Variants in USP34 observed in about 807,000 individuals in gnomAD.
USP34 encodes ubiquitin carboxyl-terminal hydrolase 34.
USP34 carries 70 observed loss-of-function variants against 460.3 expected under a neutral mutation model. That is an observed-to-expected ratio of 0.15 (90% confidence interval 0.13 to 0.19). The LOEUF (loss-of-function observed/expected upper bound fraction) is 0.19. Among genes scored for constraint, USP34 ranks in the 10% least tolerant of loss-of-function variants. The pLI, the probability that USP34 is intolerant of heterozygous loss-of-function variation, is 1.00. For missense variants in USP34, 3,985 were observed against 4,236.2 expected (o/e 0.94, Z 1.65); for synonymous variants, 1,647 against 1,405.3 (o/e 1.17, Z -3.85).
At position 61,406,146 on chromosome 2, in the gene USP34, T is replaced by A. The variant is rs752423881; in HGVS notation, c.132-18A>T. ...GACATTGCCTATAAGAGAAAAAAAA[T>A]TGAATAAATTAGTAATAAAGCAGCA... On this transcript the variant is annotated intron_variant, in intron 2 of 79. Coordinates refer to ENST00000398571, the MANE Select transcript of USP34 (RefSeq NM_014709.4). 1.3e-6 allele frequency: 2 copies of A among 1,497,858 alleles called. No individual in the cohort carries two copies. The highest frequency in any genetic ancestry group is 1.4e-5 in the African/African-American group (1 of 70,828). The allele number at this position is 1,497,858 out of a possible 1,614,324, so 92.8% of individuals were successfully genotyped here. A position where few individuals can be genotyped will look rare whatever the true frequency, so the allele number is the denominator to read the frequency against.
intron 76 of USP34, chr2:61,191,370 TA>T (rs1485871719): frequency 6.6e-6 from 1 of 151,842 alleles, no homozygotes; most frequent in African/African-American, 2.4e-5. Context: ...ATATATTTTT[TA>T]AATAGGACAA....
At chr2:61,460,562 G>A (rs569045810) in intron 1 of USP34, among the ~76,000 whole-genome samples, 88 of 152,260 alleles carry the variant, frequency 5.8e-4, no homozygotes, top group Middle Eastern at 3.4e-3. Flanking sequence ...ACAGTATATA[G>A]GGTACAGCAC....
chr2:61,421,774 A>AACACACAC (rs34490089), intron 1 of USP34, among the ~76,000 whole-genome samples: 13 of 149,288 alleles, frequency 8.7e-5, no homozygotes, highest in African/African-American at 2.7e-4. Flanking sequence ...TTACATTTAA[A>AACACACAC]ACACACACAC....
chr2:61,351,774 G>A (rs1201225861), intron 10 of USP34, among the ~76,000 whole-genome samples: 1 of 152,028 alleles, frequency 6.6e-6, no homozygotes, highest in African/African-American at 2.4e-5. Flanking sequence ...CTATCTTGGT[G>A]AGGCTTCTTA....
In USP34 at chr2:61,321,683, G is replaced by C. The variant is rs140401468; in HGVS notation, c.3014-2356C>G. ...TTTATGTTTTTAAAATGTAGTTTAAGATAACCCATATGTAAATCACCTAAA... is the reference window on the plus strand; with the variant it reads ...TTTATGTTTTTAAAATGTAGTTTAACATAACCCATATGTAAATCACCTAAA... On this transcript the variant is annotated intron_variant, in intron 21 of 79. Coordinates refer to ENST00000398571, the MANE Select transcript of USP34 (RefSeq NM_014709.4). Among the ~76,000 whole-genome samples, 660 of 152,198 alleles carry C rather than the reference G, an allele frequency of 4.3e-3. 7 individuals carry two copies. The highest frequency in any genetic ancestry group is 6.7e-3 in the Non-Finnish European group (456 of 68,000).
intron 57 of USP34, among the ~76,000 whole-genome samples, chr2:61,235,453 G>A (rs1402132920): frequency 1.3e-5 from 2 of 151,558 alleles, no homozygotes; most frequent in South Asian, 2.1e-4. Context: ...CGCCTCCCGA[G>A]GTGCTGGGAC....
At chr2:61,335,272 C>T (rs1294925246) in intron 18 of USP34, among the ~76,000 whole-genome samples, 3 of 152,146 alleles carry the variant, frequency 2.0e-5, no homozygotes, top group Admixed American at 2.0e-4. Flanking sequence ...AATGACTTAT[C>T]AACTTTTTTG....
chr2:61,214,757 C>A, intron 67 of USP34, 63 bp from the exon 68 acceptor site: 1 of 1,534,006 alleles, frequency 6.5e-7, no homozygotes, highest in South Asian at 1.2e-5. Context: ...GAACAGCAGT[C>A]ATTAATCACA....
chr2:61,420,126 TCAAA>T (rs1377736163), intron 2 of USP34, among the ~76,000 whole-genome samples: 1 of 152,236 alleles, frequency 6.6e-6, no homozygotes, highest in Non-Finnish European at 1.5e-5. Flanking sequence ...ACACAATGCT[TCAAA>T]CATTCTTACC....
chr2:61,375,905 A>T lies in USP34; in HGVS notation c.1076+2458T>A, dbSNP rs537873615. Among the ~76,000 whole-genome samples, 48 of 152,276 alleles carry T rather than the reference A, an allele frequency of 3.2e-4. 1 individual carries two copies. The South Asian group carries it at 6.8e-3, about 22-fold the overall frequency. The stretch of plus-strand genomic sequence containing the variant: ...GAATAAAGTACAGAGACAAACTACA[A>T]TCTCAATGAACCTCAAACAAACGAA... On this transcript the variant is annotated intron_variant, in intron 8 of 79. Coordinates refer to ENST00000398571, the MANE Select transcript of USP34 (RefSeq NM_014709.4).
At chr2:61,358,329 C>G (rs574530068) in intron 10 of USP34, among the ~76,000 whole-genome samples, 1 of 151,744 alleles carries the variant, frequency 6.6e-6, no homozygotes, top group African/African-American at 2.4e-5. Flanking sequence ...ACAAAGAACT[C>G]AAAGCTGCAA....
chr2:61,295,684 C>T (rs943595493), intron 30 of USP34, among the ~76,000 whole-genome samples: 1 of 152,156 alleles, frequency 6.6e-6, no homozygotes, highest in African/African-American at 2.4e-5. Flanking sequence ...AACTCAGGAA[C>T]ACTGCTGTTT....
intron 1 of USP34, among the ~76,000 whole-genome samples, chr2:61,431,494 T>C (rs1333834461): frequency 6.6e-6 from 1 of 152,216 alleles, no homozygotes; most frequent in African/African-American, 2.4e-5. Context: ...CCCAAAGCAC[T>C]GGGATTACAG....
chr2:61,243,503 G>A (rs1688331985), intron 51 of USP34, among the ~76,000 whole-genome samples: 1 of 151,158 alleles, frequency 6.6e-6, no homozygotes, highest in African/African-American at 2.4e-5. Context: ...AAAAAAAGTG[G>A]ACCTGCAATT....
chr2:61,370,676 T>G (rs755158914), intron 8 of USP34, 97 bp from the exon 9 acceptor site: 5 of 1,036,354 alleles, frequency 4.8e-6, no homozygotes, highest in African/African-American at 1.6e-5. Flanking sequence ...TTTGTTCCTA[T>G]AGGAATTATA....
chr2:61,242,705 C>G (rs576351058), intron 51 of USP34, among the ~76,000 whole-genome samples: 160 of 151,924 alleles, frequency 1.1e-3, no homozygotes, highest in African/African-American at 2.6e-3. Flanking sequence ...AGTAAGGAGA[C>G]GAGGATTCTA....
rs1178556519 is a variant in USP34, at chr2:61,405,791, G to T, written c.469C>A (p.Leu157Ile). 6 of 1,609,362 alleles carry T rather than the reference G, an allele frequency of 3.7e-6. No individual in the cohort carries two copies. In the African/African-American group the frequency reaches 8.1e-5, roughly 22 times the overall value. ...AAAATTTTTGCCACACATAGTAAGA[G>T]TTTTTCCTTCTCATCTGTACTCCAT... ...SLWSTDEKEK[L>I]LLCVAKIFQI... is the part of the protein sequence containing the mutation. The change falls in exon 3 of 80, where the codon CTC becomes ATC. Residue 157 changes from leucine to isoleucine, a missense_variant. Leu to Ile is a conservative substitution (Grantham distance 5). Around this residue, in one of 14 missense-constraint regions of USP34, gnomAD observed 331 missense variants for 293.7 expected, o/e 1.13. Coordinates refer to ENST00000398571, the MANE Select transcript of USP34 (RefSeq NM_014709.4).
intron 34 of USP34, among the ~76,000 whole-genome samples, chr2:61,286,562 G>C (rs1165814322): frequency 6.6e-6 from 1 of 152,078 alleles, no homozygotes; most frequent in Admixed American, 6.6e-5. Flanking sequence ...GGCTGAGGTA[G>C]TAAAACCGCT....
chr2:61,378,913 G>GAAAA (rs34463913), intron 7 of USP34, among the ~76,000 whole-genome samples: 1,845 of 57,886 alleles, frequency 0.032, 154 homozygotes, highest in South Asian at 0.042. Flanking sequence ...TCAAAAAAAC[G>GAAAA]AAAAAAAAAA....
Sources: gnomAD v4.1 joint callset for allele counts (sites outside exome capture counted in the v4.1 genomes callset) on GRCh38, gnomAD v4.1.1 for gene constraint, gnomAD v4.1.1 regional missense constraint, MANE v1.5 for transcripts, NCBI Gene and HGNC (gene_info 2026-07-23, HGNC 2026-07-21) for gene names.